The following ABCA13 variants were observed in gnomAD, a reference collection of about 807,000 sequenced individuals.
The protein encoded by ABCA13 is ATP binding cassette subfamily A member 13.
ABCA13 carries 476 observed loss-of-function variants against 478.7 expected under a neutral mutation model. The ratio of observed to expected loss-of-function variants is 0.99; its 90% CI spans 0.92 to 1.07. The LOEUF (loss-of-function observed/expected upper bound fraction) is 1.07, where lower values mean the gene tolerates loss of function less well. ABCA13 is among the 50% of genes least tolerant of loss of function. The pLI, the probability that ABCA13 is intolerant of heterozygous loss-of-function variation, is 0.00. For synonymous variants in ABCA13, 2,252 were observed against 2,158.9 expected, an observed-to-expected ratio of 1.04 and a Z score of -1.20; for missense variants, 6,060 against 5,910.6, an observed-to-expected ratio of 1.03 and a Z score of -0.83.
At chr7:48,524,013 A>G (rs55836959) in intron 53 of ABCA13, among the ~76,000 whole-genome samples, 12,776 of 152,192 alleles carry the variant, frequency 0.084, 936 homozygotes, top group African/African-American at 0.2. Flanking sequence ...TTTAGTGCCA[A>G]TTCATTTCAG....
At chr7:48,525,963 T>A (rs939857062) in intron 54 of ABCA13, among the ~76,000 whole-genome samples, 1 of 152,032 alleles carries the variant, frequency 6.6e-6, no homozygotes, top group African/African-American at 2.4e-5. Flanking sequence ...ATTGTTCAGC[T>A]CCTACTTATA....
intron 32 of ABCA13, among the ~76,000 whole-genome samples, chr7:48,369,915 T>C (rs1393185957): frequency 6.6e-6 from 1 of 152,058 alleles, no homozygotes; most frequent in Admixed American, 6.6e-5. Flanking sequence ...ATTTTTTTTT[T>C]AGTTCTGTGA....
chr7:48,356,385 G>A (rs1299306487), intron 31 of ABCA13, among the ~76,000 whole-genome samples: 1 of 150,650 alleles, frequency 6.6e-6, no homozygotes, highest in Non-Finnish European at 1.5e-5. Flanking sequence ...TTTGGAAGAA[G>A]TCTTTTTTTT....
chr7:48,630,008 C>A (rs1037790210), intron 59 of ABCA13, among the ~76,000 whole-genome samples: 21 of 152,164 alleles, frequency 1.4e-4, no homozygotes, highest in African/African-American at 2.9e-4. Flanking sequence ...TTATCTATTT[C>A]TTGGTCTATT....
At chr7:48,386,237 A>T (rs1815169685) in intron 35 of ABCA13, among the ~76,000 whole-genome samples, 1 of 152,244 alleles carries the variant, frequency 6.6e-6, no homozygotes, top group South Asian at 2.1e-4. Flanking sequence ...GAAATCAGAG[A>T]TGACAAGAAC....
At chr7:48,235,240 AG>A (rs1789772847) in intron 8 of ABCA13, among the ~76,000 whole-genome samples, 1 of 152,222 alleles carries the variant, frequency 6.6e-6, no homozygotes, top group African/African-American at 2.4e-5. Context: ...TACCTACCAC[AG>A]GACTTGAAAT....
chr7:48,400,034 G>T (rs1312320024), intron 38 of ABCA13, among the ~76,000 whole-genome samples: 2 of 144,952 alleles, frequency 1.4e-5, no homozygotes, highest in Non-Finnish European at 3.0e-5. Context: ...GTCCTGGCAA[G>T]TGCTTTCCTC....
At position 48,239,832 on chromosome 7, in the gene ABCA13, C is replaced by G. The variant is rs151219217; in HGVS notation, c.1062+427C>G. Among the ~76,000 whole-genome samples the G allele has an allele frequency of 5.7e-3, 862 of 152,338 alleles. 8 individuals carry two copies. The highest frequency in any genetic ancestry group is 0.02 in the African/African-American group (821 of 41,588). On this transcript the variant is annotated intron_variant, in intron 9 of 61. Transcript: ENST00000435803. ...TTTGACCAGAAGCTCTGTGCACAAA[C>G]AGTGACTGTGATTTCAGTGACCATA... is the stretch of plus-strand genomic sequence containing the variant.
chr7:48,533,900 TGAGTCTCC>T (rs1296132395), intron 55 of ABCA13, among the ~76,000 whole-genome samples: 1 of 152,178 alleles, frequency 6.6e-6, no homozygotes, highest in Non-Finnish European at 1.5e-5. Flanking sequence ...ATGTGTTAGA[TGAGTCTCC>T]TGAAGACAGC....
At position 48,642,314 on chromosome 7, in the gene ABCA13, G is replaced by C. The variant is rs963521179; in HGVS notation, c.14838-974G>C. Among the ~76,000 whole-genome samples the C allele has an allele frequency of 2.0e-5, 3 of 152,304 alleles. 1 individual carries two copies. The South Asian group carries it at 6.2e-4, about 32-fold the overall frequency. The stretch of plus-strand genomic sequence containing the variant: ...TGAAAAATAATTTGACCATAAATCT[G>C]TTAGGGATCAGCCTCATTTAGGGGA... On this transcript the variant is annotated intron_variant, in intron 59 of 61. Transcript: ENST00000435803.
At position 48,458,325 on chromosome 7, in the gene ABCA13, C is replaced by G. The variant is rs147804729; in HGVS notation, c.12815+3039C>G. ...ACAGGCCACCCGTGGTAACCCAGCA[C>G]CCATCCTTGCTGCTCCAAATGTGGG... On this transcript the variant is annotated intron_variant, in intron 43 of 61. Transcript: ENST00000435803. Among the ~76,000 whole-genome samples the G allele has an allele frequency of 3.9e-3, 587 of 152,296 alleles. 8 individuals carry two copies. Among genetic ancestry groups the G allele is most frequent in the South Asian group, 0.029 (142 of 4,826 alleles).
At chr7:48,359,997 GAAGT>G (rs1022710019) in intron 31 of ABCA13, among the ~76,000 whole-genome samples, 4 of 152,050 alleles carry the variant, frequency 2.6e-5, no homozygotes, top group African/African-American at 7.3e-5. Context: ...AAGGCTTAAA[GAAGT>G]AAGAGAGTTT....
chr7:48,511,488 C>T (rs916831482), intron 51 of ABCA13, among the ~76,000 whole-genome samples: 3 of 152,140 alleles, frequency 2.0e-5, no homozygotes, highest in African/African-American at 7.2e-5. Flanking sequence ...CTATTATTCT[C>T]ACTTTGACAT....
At chr7:48,481,285 G>A (rs1034315281) in intron 46 of ABCA13, 131 bp downstream of exon 46, 16 of 708,118 alleles carry the variant, frequency 2.3e-5, no homozygotes, top group Non-Finnish European at 3.4e-5. Flanking sequence ...ATTCCACAGT[G>A]TGTGATGTTC....
chr7:48,575,819 C>G (rs543191325), intron 55 of ABCA13, among the ~76,000 whole-genome samples: 1 of 152,228 alleles, frequency 6.6e-6, no homozygotes, highest in East Asian at 1.9e-4. Context: ...ATCAACTCTT[C>G]TTAGATCCCT....
intron 41 of ABCA13, among the ~76,000 whole-genome samples, chr7:48,413,466 A>C (rs1819548092): frequency 6.6e-6 from 1 of 152,158 alleles, no homozygotes; most frequent in African/African-American, 2.4e-5. Context: ...TGTGTGACCC[A>C]ACCTGAGGCA....
chr7:48,390,042 C>T (rs1815799454), intron 37 of ABCA13, among the ~76,000 whole-genome samples: 1 of 152,170 alleles, frequency 6.6e-6, no homozygotes, highest in East Asian at 1.9e-4. Flanking sequence ...TCCTTGGATA[C>T]AGAAATGGAC....
chr7:48,340,195 C>G (rs1390721804), intron 29 of ABCA13, among the ~76,000 whole-genome samples: 2 of 152,116 alleles, frequency 1.3e-5, no homozygotes, highest in African/African-American at 4.8e-5. Flanking sequence ...CAACCTGCGA[C>G]TTCTGGGTTC....
chr7:48,537,392 G>C (rs1032649921), intron 55 of ABCA13, among the ~76,000 whole-genome samples: 6 of 152,216 alleles, frequency 3.9e-5, no homozygotes, highest in Non-Finnish European at 7.4e-5. Context: ...TACATTTTCA[G>C]TGCCACAAAG....
Sources: allele counts gnomAD v4.1 joint callset (sites outside exome capture counted in the v4.1 genomes callset), GRCh38; gene constraint gnomAD v4.1.1; transcripts MANE v1.5; gene names NCBI Gene and HGNC (gene_info 2026-07-23, HGNC 2026-07-21).